The following GOLT1A variants were observed in gnomAD, a reference collection of about 807,000 sequenced individuals.
GOLT1A encodes vesicle transport protein GOT1A.
Under a neutral mutation model 16.1 loss-of-function variants are expected in GOLT1A, and 10 were observed. That is an observed-to-expected ratio of 0.62 (90% CI 0.38 to 1.05). GOLT1A has a LOEUF of 1.05. Among genes scored for constraint, GOLT1A ranks in the 50% least tolerant of loss-of-function variants. GOLT1A has a pLI of 0.01. For synonymous variants in GOLT1A, 60 were observed against 67.9 expected (o/e 0.88, Z 0.57); for missense variants, 137 against 165.7 (o/e 0.83, Z 0.95).
intron 1 of GOLT1A, among the ~76,000 whole-genome samples, chr1:204,203,431 A>C (rs2102336517): frequency 6.6e-6 from 1 of 152,262 alleles, no homozygotes; most frequent in South Asian, 2.1e-4. Context: ...ACTCAGGACC[A>C]CCAGCTCCAA....
chr1:204,202,413 C>T (rs1658977652), intron 2 of GOLT1A, among the ~76,000 whole-genome samples: 1 of 151,944 alleles, frequency 6.6e-6, no homozygotes, highest in Admixed American at 6.6e-5. Context: ...CCTGGAAGTG[C>T]TTTATTCACC....
chr1:204,200,299 G>GTGTGTGTGTATATATA, intron 3 of GOLT1A, among the ~76,000 whole-genome samples: 25 of 82,676 alleles, frequency 3.0e-4, no homozygotes, highest in African/African-American at 1.4e-3. Context: ...ACATATATGT[G>GTGTGTGTGTATATATA]TATATATATA....
chr1:204,211,227 C>A (rs1358015404), intron 1 of GOLT1A, among the ~76,000 whole-genome samples: 1 of 152,182 alleles, frequency 6.6e-6, no homozygotes, highest in Non-Finnish European at 1.5e-5. Flanking sequence ...TGTTAGCATA[C>A]TGCCTAGACT....
At chr1:204,200,299 G>GTGTGTGTGTATATATATATATATATATA in intron 3 of GOLT1A, among the ~76,000 whole-genome samples, 12 of 82,654 alleles carry the variant, frequency 1.5e-4, no homozygotes, top group African/African-American at 6.7e-4. Context: ...ACATATATGT[G>GTGTGTGTGTATATATATATATATATATA]TATATATATA....
intron 1 of GOLT1A, among the ~76,000 whole-genome samples, chr1:204,212,544 G>A (rs548217545): frequency 1.3e-5 from 2 of 150,362 alleles, no homozygotes; most frequent in Non-Finnish European, 2.9e-5. Context: ...GGCTGAGGCA[G>A]GAGAATCGCT....
At chr1:204,208,083 A>G (rs920470616) in intron 1 of GOLT1A, among the ~76,000 whole-genome samples, 1 of 152,174 alleles carries the variant, frequency 6.6e-6, no homozygotes, top group African/African-American at 2.4e-5. Flanking sequence ...AATAGCCACT[A>G]TGGAAAACAG....
At chr1:204,203,174 TTGTC>T (rs1213173758) in intron 1 of GOLT1A, among the ~76,000 whole-genome samples, 187 bp from the exon 2 acceptor site, 2 of 152,116 alleles carry the variant, frequency 1.3e-5, no homozygotes, top group African/African-American at 2.4e-5. Flanking sequence ...GCATGAAGCT[TTGTC>T]TGGCACCTGG....
intron 1 of GOLT1A, among the ~76,000 whole-genome samples, chr1:204,212,952 C>T (rs1659162373): frequency 6.6e-6 from 1 of 152,124 alleles, no homozygotes; most frequent in South Asian, 2.1e-4. Context: ...TCCCTGCTTC[C>T]TGAACATTTC....
intron 1 of GOLT1A, among the ~76,000 whole-genome samples, chr1:204,206,400 G>A (rs1276623503): frequency 3.9e-5 from 6 of 152,166 alleles, no homozygotes; most frequent in Admixed American, 2.6e-4. Flanking sequence ...TCACCCCCAT[G>A]GGTCATGATG....
At chr1:204,199,003 C>T in intron 4 of GOLT1A, 192 bp downstream of exon 4, 2 of 596,332 alleles carry the variant, frequency 3.4e-6, no homozygotes, top group Non-Finnish European at 6.0e-6. Context: ...CCCCTCTCCT[C>T]ATGGGCTCTT....
chr1:204,199,226 C>A lies in GOLT1A; in HGVS notation c.329G>T (p.Gly110Val), dbSNP rs960899456. The A allele has an allele frequency of 9.4e-6, 15 of 1,603,370 alleles. No individual in the cohort carries two copies. The highest frequency in any genetic ancestry group is 2.2e-5 in the East Asian group (1 of 44,586). ...CAGGAAGGGGATGTTGCAGACATTG[C>A]CCAGGAAGCCGAAGGCGACAGGGAA... Reference protein sequence around the residue: ...GFFPVAFGFLGNVCNIPFLGA... With the variant: ...GFFPVAFGFLVNVCNIPFLGA... The change falls in exon 4 of 5, where the codon GGC becomes GTC. Residue 110 changes from glycine to valine, a missense_variant. Coordinates refer to ENST00000308302, the MANE Select transcript of GOLT1A (RefSeq NM_198447.2).
chr1:204,211,177 C>T (rs1659131909), intron 1 of GOLT1A, among the ~76,000 whole-genome samples: 1 of 152,204 alleles, frequency 6.6e-6, no homozygotes, highest in Admixed American at 6.5e-5. Context: ...TCCTTCTCCA[C>T]ACGGCGCTCA....
chr1:204,202,127 C>T (rs1353170864), intron 2 of GOLT1A, among the ~76,000 whole-genome samples: 2 of 151,904 alleles, frequency 1.3e-5, no homozygotes, highest in East Asian at 1.9e-4. Context: ...AAGATGGAAT[C>T]GGGAGGGATT....
At chr1:204,208,087 A>G (rs1206628348) in intron 1 of GOLT1A, among the ~76,000 whole-genome samples, 1 of 152,168 alleles carries the variant, frequency 6.6e-6, no homozygotes, top group African/African-American at 2.4e-5. Flanking sequence ...GCCACTATGG[A>G]AAACAGTGTG....
intron 3 of GOLT1A, 131 bp downstream of exon 3, chr1:204,201,502 C>G: frequency 1.1e-6 from 1 of 876,238 alleles, no homozygotes; most frequent in Non-Finnish European, 1.8e-6. Context: ...CTTTAGGGGG[C>G]CTTTCCAAGG....
intron 1 of GOLT1A, among the ~76,000 whole-genome samples, chr1:204,210,420 T>C (rs1205260604): frequency 6.6e-6 from 1 of 152,220 alleles, no homozygotes; most frequent in East Asian, 1.9e-4. Context: ...TGTGTTTATT[T>C]TTGTTTTTAA....
At chr1:204,208,309 TAC>T (rs1659075846) in intron 1 of GOLT1A, among the ~76,000 whole-genome samples, 1 of 150,490 alleles carries the variant, frequency 6.6e-6, no homozygotes, top group Non-Finnish European at 1.5e-5. Flanking sequence ...TGTATATATA[TAC>T]ACACACATAT....
chr1:204,201,895 C>A (rs770000189), intron 2 of GOLT1A, 84 bp from the exon 3 acceptor site: 895 of 1,292,474 alleles, frequency 6.9e-4, no homozygotes, highest in Admixed American at 9.7e-4. Flanking sequence ...AGGCGGTGGG[C>A]TGGGACAGGA....
At chr1:204,206,032 T>A (rs1659034250) in intron 1 of GOLT1A, among the ~76,000 whole-genome samples, 2 of 152,050 alleles carry the variant, frequency 1.3e-5, no homozygotes, top group Admixed American at 1.3e-4. Context: ...ATTATGCCAC[T>A]GCACTCCAGC....
Sources: gnomAD v4.1 joint callset for allele counts (sites outside exome capture counted in the v4.1 genomes callset) on GRCh38, gnomAD v4.1.1 for gene constraint, MANE v1.5 for transcripts, NCBI Gene and HGNC (gene_info 2026-07-23, HGNC 2026-07-21) for gene names.